TRERF1: variants seen among roughly 807,000 people sequenced by gnomAD.
TRERF1 encodes the protein transcriptional-regulating factor 1.
Under a neutral mutation model 122.9 loss-of-function variants are expected in TRERF1, and 27 were observed. The observed-to-expected ratio is 0.22, with a 90% CI of 0.16 to 0.30. The LOEUF is 0.30. Ranked by LOEUF, TRERF1 falls within the 10% of genes least tolerant of loss-of-function variation. The probability of loss-of-function intolerance (pLI) is 1.00; values close to 1 mark genes in which losing one functional copy is unlikely to be tolerated. For synonymous variants in TRERF1, 636 were observed against 641.7 expected (o/e 0.99, Z 0.13); for missense variants, 1,248 against 1,560.3 (o/e 0.80, Z 3.37).
At chr6:42,236,271 C>G (rs768666261) in exon 16 of TRERF1, 2 of 1,612,608 alleles carry the variant, frequency 1.2e-6, no homozygotes, top group Non-Finnish European at 1.7e-6. Flanking sequence ...GCAGGGGCGG[C>G]CCCTCCGTGG....
intron 2 of TRERF1, among the ~76,000 whole-genome samples, chr6:42,369,700 A>G (rs1245522275): frequency 6.6e-6 from 1 of 152,120 alleles, no homozygotes; most frequent in African/African-American, 2.4e-5. Flanking sequence ...TTATCATACT[A>G]TTACCACTTC....
intron 2 of TRERF1, among the ~76,000 whole-genome samples, chr6:42,425,357 A>C (rs442020): frequency 0.96 from 142,085 of 148,056 alleles, 68,069 homozygotes; most frequent in Non-Finnish European, 0.99. Context: ...GACAGCCCCC[A>C]ACCAACCCCC....
At chr6:42,430,146 C>A (rs546971742) in intron 2 of TRERF1, among the ~76,000 whole-genome samples, 55 of 151,900 alleles carry the variant, frequency 3.6e-4, no homozygotes, top group African/African-American at 1.3e-3. Context: ...TGGACTCTGG[C>A]TTGTACTGCT....
intron 8 of TRERF1, among the ~76,000 whole-genome samples, chr6:42,261,176 C>T (rs1290979072): frequency 3.3e-5 from 5 of 152,222 alleles, no homozygotes; most frequent in South Asian, 2.1e-4. Context: ...AGGCCTGTGC[C>T]CCCCCCAAGG....
At chr6:42,344,062 C>T (rs893635235) in intron 3 of TRERF1, among the ~76,000 whole-genome samples, 3 of 152,238 alleles carry the variant, frequency 2.0e-5, no homozygotes, top group Non-Finnish European at 4.4e-5. Context: ...GAGGCCAACG[C>T]TTCCTGGGCA....
At chr6:42,347,637 G>A (rs1028494448) in intron 3 of TRERF1, among the ~76,000 whole-genome samples, 2 of 152,160 alleles carry the variant, frequency 1.3e-5, no homozygotes, top group African/African-American at 4.8e-5. Flanking sequence ...ACTGATCACC[G>A]CTTCTCCTTC....
intron 3 of TRERF1, among the ~76,000 whole-genome samples, chr6:42,303,637 C>T (rs114581505): frequency 0.011 from 1,612 of 152,158 alleles, 11 homozygotes; most frequent in Middle Eastern, 0.041. Flanking sequence ...GGTTTGGCTG[C>T]GCACAGTGGG....
chr6:42,369,514 G>A (rs1240708250), intron 2 of TRERF1, among the ~76,000 whole-genome samples: 1 of 152,108 alleles, frequency 6.6e-6, no homozygotes, highest in African/African-American at 2.4e-5. Flanking sequence ...CCCAAAACCA[G>A]AACTGAATCT....
chr6:42,265,658 G>A (rs915013282), intron 6 of TRERF1, 93 bp downstream of exon 6: 19 of 1,308,580 alleles, frequency 1.5e-5, no homozygotes, highest in Admixed American at 2.0e-5. Flanking sequence ...ACTTCTTTGA[G>A]GAATGACTTG....
chr6:42,335,292 C>T (rs1765934397), intron 3 of TRERF1, among the ~76,000 whole-genome samples: 1 of 152,176 alleles, frequency 6.6e-6, no homozygotes, highest in Non-Finnish European at 1.5e-5. Context: ...CGAGGTAGGG[C>T]ATCCCCTCTG....
At chr6:42,435,287 A>G (rs1440986408) in intron 2 of TRERF1, among the ~76,000 whole-genome samples, 1 of 152,212 alleles carries the variant, frequency 6.6e-6, no homozygotes, top group Non-Finnish European at 1.5e-5. Flanking sequence ...AATTGTCCAG[A>G]AAACGGCTAA....
At chr6:42,368,391 G>C (rs117010373) in intron 2 of TRERF1, among the ~76,000 whole-genome samples, 1 of 151,608 alleles carries the variant, frequency 6.6e-6, no homozygotes, top group Admixed American at 6.6e-5. Flanking sequence ...TGGTTTCCTC[G>C]CCCCCCCAAG....
chr6:42,228,507 C>G lies in TRERF1; in HGVS notation c.3441G>C (p.Leu1147=). The change falls in exon 18 of 18, where the codon CTG becomes CTC. Residue 1147 remains leucine, a synonymous_variant. Coordinates refer to ENST00000372922, the Ensembl canonical transcript of TRERF1. The surrounding 1 kb of genome is among the most constrained non-coding windows in gnomAD (Gnocchi z 4.2). ...TGGGTTTGATCAGACTCAGCTGGTC[C>G]AGGGGCAGCAGCCCCGGCGCCCCCA... The G allele has an allele frequency of 6.2e-6, 10 of 1,614,162 alleles. No individual in the cohort carries two copies. Among genetic ancestry groups the G allele is most frequent in the Non-Finnish European group, 7.6e-6 (9 of 1,180,038 alleles).
At chr6:42,290,141 G>C (rs1209051556) in intron 4 of TRERF1, among the ~76,000 whole-genome samples, 1 of 152,154 alleles carries the variant, frequency 6.6e-6, no homozygotes, top group Admixed American at 6.5e-5. Flanking sequence ...GGTGAACATG[G>C]GCCCAGCGCT....
intron 3 of TRERF1, among the ~76,000 whole-genome samples, chr6:42,328,854 A>G (rs1306262310): frequency 4.6e-5 from 7 of 152,128 alleles, no homozygotes; most frequent in Non-Finnish European, 8.8e-5. Flanking sequence ...TGATCCTGGA[A>G]GGCCCCCAGC....
intron 3 of TRERF1, among the ~76,000 whole-genome samples, chr6:42,305,747 G>C (rs1269620253): frequency 6.6e-6 from 1 of 152,088 alleles, no homozygotes; most frequent in Non-Finnish European, 1.5e-5. Context: ...AAAGGAACAG[G>C]GGGAGGGGGA....
chr6:42,227,136 G>T (rs916174433), exon 18 of TRERF1: 1 of 152,278 alleles, frequency 6.6e-6, no homozygotes, highest in Non-Finnish European at 1.5e-5. Flanking sequence ...GAGAAGTCTA[G>T]AAGTGCTTTG....
chr6:42,403,904 G>A (rs527925701), intron 2 of TRERF1, among the ~76,000 whole-genome samples: 2 of 152,082 alleles, frequency 1.3e-5, no homozygotes, highest in African/African-American at 4.8e-5. Context: ...GGGCTCATCC[G>A]CACTGACAGA....
intron 3 of TRERF1, among the ~76,000 whole-genome samples, chr6:42,307,126 T>A (rs1245375574): frequency 6.6e-6 from 1 of 152,208 alleles, no homozygotes; most frequent in Non-Finnish European, 1.5e-5. Context: ...GTGCAGGCAG[T>A]TATATTAATA....
Sources: gnomAD v4.1 joint callset for allele counts (sites outside exome capture counted in the v4.1 genomes callset) on GRCh38, gnomAD v4.1.1 for gene constraint, Gnocchi (gnomAD v3.1) non-coding constraint, MANE v1.5 for transcripts, NCBI Gene and HGNC (gene_info 2026-07-23, HGNC 2026-07-21) for gene names.